AGRN: variants seen among roughly 807,000 people sequenced by gnomAD.
AGRN encodes the protein agrin proteoglycan.
In AGRN, 106 loss-of-function variants were observed where a neutral mutation model predicts 211.0. The observed-to-expected ratio is 0.50, with a 90% CI of 0.43 to 0.59. The LOEUF is 0.59. AGRN is among the 20% of genes least tolerant of loss of function. The probability of loss-of-function intolerance (pLI) is 0.00; values close to 1 mark genes in which losing one functional copy is unlikely to be tolerated. For synonymous variants in AGRN, 1,525 were observed against 1,332.5 expected, an observed-to-expected ratio of 1.14 and a Z score of -3.15; for missense variants, 3,040 against 2,982.6, an observed-to-expected ratio of 1.02 and a Z score of -0.45.
At chr1:1,027,633 C>T (rs9442389) in intron 2 of AGRN, among the ~76,000 whole-genome samples, 62,161 of 152,074 alleles carry the variant, frequency 0.41, 14,244 homozygotes, top group East Asian at 0.79. Flanking sequence ...ATGCTGGGTC[C>T]CTTGGGGCGG....
intron 1 of AGRN, 58 bp from the exon 2 acceptor site, chr1:1,022,143 C>A: frequency 6.2e-7 from 1 of 1,607,632 alleles, no homozygotes. Flanking sequence ...CTAAAGCCCC[C>A]AGTCTAGCCC....
At chr1:1,047,197 T>A (rs1349425999) in intron 19 of AGRN, 130 bp from the exon 20 acceptor site, 1 of 1,457,588 alleles carries the variant, frequency 6.9e-7, no homozygotes, top group African/African-American at 1.4e-5. Context: ...GGGTCCCCAC[T>A]AACCTCATGA....
chr1:1,033,473 T>TC (rs1203299961), intron 2 of AGRN, among the ~76,000 whole-genome samples: 1 of 146,056 alleles, frequency 6.8e-6, no homozygotes, highest in Non-Finnish European at 1.5e-5. Context: ...CAGCTCCTGC[T>TC]CCCCAGGCGC....
intron 3 of AGRN, 131 bp from the exon 4 acceptor site, chr1:1,040,534 C>T: frequency 1.8e-6 from 2 of 1,100,160 alleles, no homozygotes; most frequent in Non-Finnish European, 2.6e-6. Flanking sequence ...GTGTCCGTGT[C>T]CGTGGTGGAC....
At chr1:1,042,304 G>T in intron 7 of AGRN, 142 bp downstream of exon 7, 1 of 1,121,388 alleles carries the variant, frequency 8.9e-7, no homozygotes, top group South Asian at 1.6e-5. Context: ...GCTCTGGGGA[G>T]GGTGGAGCCT....
rs560842858 is a variant in AGRN, at chr1:1,045,266, C to G, written c.2360C>G (p.Ala787Gly). ...NITAARGVGL[A>G]GCPSACQCNP... Reference sequence around the variant, plus strand: ...ACCGCAGCCCGGGGCGTGGGCCTGGCTGGCTGCCCCAGTGAGTACCTGAGC... The same window carrying G: ...ACCGCAGCCCGGGGCGTGGGCCTGGGTGGCTGCCCCAGTGAGTACCTGAGC... The change falls in exon 13 of 36, where the codon GCT becomes GGT. Residue 787 changes from alanine to glycine, a missense_variant. This residue lies in a region of AGRN where 1,498 missense variants were observed against 1,457.8 expected (regional missense o/e 1.03). Coordinates refer to ENST00000379370, the MANE Select transcript of AGRN (RefSeq NM_198576.4). 4.3e-6 allele frequency: 7 copies of G among 1,611,546 alleles called. No homozygotes were observed. The African/African-American group carries it at 9.3e-5, about 21-fold the overall frequency.
At position 1,047,877 on chromosome 1, in the gene AGRN, G is replaced by A. The variant is rs752746538; in HGVS notation, c.3733G>A (p.Val1245Met). 1.2e-5 allele frequency: 20 copies of A among 1,605,586 alleles called. No homozygotes were observed. Among genetic ancestry groups the A allele is most frequent in the Admixed American group, 6.8e-5 (4 of 59,080 alleles). Residue 1245 changes from valine to methionine, a missense_variant, in exon 22 of 36, where the codon GTG becomes ATG. Coordinates refer to ENST00000379370, the MANE Select transcript of AGRN (RefSeq NM_198576.4). ...GGTGAGGCGGCCGCTGCAGGAGCAC[G>A]TGCGATTTATGGACTTTGGTGAGCG... Reference protein sequence around the residue: ...LGVRRPLQEHVRFMDFDWFPA... With the variant: ...LGVRRPLQEHMRFMDFDWFPA...
chr1:1,047,990 T>C (rs779625603), intron 22 of AGRN, 22 bp from the exon 23 acceptor site: 2 of 1,571,108 alleles, frequency 1.3e-6, no homozygotes, highest in Non-Finnish European at 1.7e-6. Flanking sequence ...CAGGAAACCC[T>C]AACAGCTCCC....
chr1:1,046,128 C>T (rs2100657385), intron 16 of AGRN, 32 bp from the exon 17 acceptor site: 2 of 1,613,948 alleles, frequency 1.2e-6, no homozygotes, highest in Non-Finnish European at 1.7e-6. Context: ...GGGAGGAGGC[C>T]TCGCCTTGAA....
Position 1,055,172 on chromosome 1 carries a change from C to A in AGRN, c.*191C>A. 2.2e-6 allele frequency: 2 copies of A among 912,794 alleles called. No individual in the cohort carries two copies. Among genetic ancestry groups the A allele is most frequent in the Non-Finnish European group, 3.3e-6 (2 of 599,890 alleles). The allele number at this position is 912,794 out of a possible 1,614,324, so 56.5% of individuals were successfully genotyped here. Reference sequence around the variant, plus strand: ...ACAGGCGAGGTGGCAGCGTGGAGGGCTCGGCGTGGATGGCAGCCTCAGGAC... The same window carrying A: ...ACAGGCGAGGTGGCAGCGTGGAGGGATCGGCGTGGATGGCAGCCTCAGGAC... On this transcript the variant is annotated 3_prime_UTR_variant, in exon 36 of 36. Transcript: ENST00000379370.
chr1:1,047,059 T>C (rs1645118338), intron 19 of AGRN, 102 bp downstream of exon 19: 10 of 1,521,212 alleles, frequency 6.6e-6, no homozygotes, highest in Non-Finnish European at 8.0e-6. Flanking sequence ...GGTTATGGTC[T>C]TGGGACTCGG....
At chr1:1,034,185 C>G in intron 2 of AGRN, 1 of 985,410 alleles carries the variant, frequency 1.0e-6, no homozygotes, top group Non-Finnish European at 1.2e-6. Flanking sequence ...GCGCACCTGC[C>G]GCGCGCACCG....
rs1407513698 is a variant in AGRN, at chr1:1,045,859, C to A, written c.2663C>A (p.Pro888His). The change falls in exon 15 of 36, where the codon CCC becomes CAC. Residue 888 changes from proline to histidine, a missense_variant. Pro to His is a moderately conservative substitution (Grantham distance 77). Coordinates refer to ENST00000379370, the MANE Select transcript of AGRN (RefSeq NM_198576.4). ...TGTCCAGACGGCCGTGCCCTGGGCC[C>A]CGCGGGCTGTGAAGCTGGTGAGTGA... is the stretch of plus-strand genomic sequence containing the variant. ...GQCPDGRALG[P>H]AGCEADASAP... 4.3e-6 allele frequency: 7 copies of A among 1,610,988 alleles called. No individual in the cohort carries two copies. In the East Asian group the frequency reaches 1.6e-4, roughly 36 times the overall value.
Position 1,049,303 on chromosome 1 carries a change from C to A in AGRN, c.4366C>A (p.Arg1456Ser). The change falls in exon 25 of 36, where the codon CGC becomes AGC. Residue 1456 changes from arginine to serine, a missense_variant. Around this residue, in one of 3 missense-constraint regions of AGRN, gnomAD observed 1,537 missense variants for 1,505.0 expected, o/e 1.02. Transcript: ENST00000379370. ...AVPVEPGQWH[R>S]LELSRHWRRG... Reference sequence around the variant, plus strand: ...GCCGGTAGAGCCGGGCCAGTGGCACCGCCTGGAGCTGTCCCGGCACTGGCG... The same window carrying A: ...GCCGGTAGAGCCGGGCCAGTGGCACAGCCTGGAGCTGTCCCGGCACTGGCG... The A allele has an allele frequency of 6.3e-7, 1 of 1,597,138 alleles. No homozygotes were observed. Among genetic ancestry groups the A allele is most frequent in the East Asian group, 2.2e-5 (1 of 44,720 alleles).
At position 1,043,439 on chromosome 1, in the gene AGRN, G is replaced by T; in HGVS notation, c.1585G>T (p.Ala529Ser). Reference sequence around the variant, plus strand: ...TACCCTCGGGCGGGAGATCCAGGTGGCGCGCAAAGGACCCTGTGGTCAGTG... The same window carrying T: ...TACCCTCGGGCGGGAGATCCAGGTGTCGCGCAAAGGACCCTGTGGTCAGTG... ...ACTLGREIQV[A>S]RKGPCDRCGQ... The change falls in exon 8 of 36, where the codon GCG (alanine) becomes TCG (serine). Residue 529 changes from alanine to serine, a missense_variant. By Grantham distance (99) the Ala-to-Ser change is moderately conservative (BLOSUM62 1). This residue lies in a region of AGRN where 1,498 missense variants were observed against 1,457.8 expected (regional missense o/e 1.03). Transcript: ENST00000379370. 1 of 1,606,532 alleles carries T rather than the reference G, an allele frequency of 6.2e-7. No individual in the cohort carries two copies. The highest frequency in any genetic ancestry group is 8.5e-7 in the Non-Finnish European group (1 of 1,178,712).
At chr1:1,026,296 C>T (rs1644520123) in intron 2 of AGRN, among the ~76,000 whole-genome samples, 1 of 152,136 alleles carries the variant, frequency 6.6e-6, no homozygotes, top group South Asian at 2.1e-4. Context: ...CTGCAGCCTC[C>T]AGGCCAAGGT....
chr1:1,025,250 C>T (rs905922146), intron 2 of AGRN, among the ~76,000 whole-genome samples: 5 of 152,180 alleles, frequency 3.3e-5, no homozygotes, highest in African/African-American at 1.2e-4. Context: ...CTGCCCAGCT[C>T]TGAAGCCCGG....
rs1384907825 is a variant in AGRN at position 1,029,900 on chromosome 1, T to C, written c.464-5377T>C. ...AGTGCATGGTGCTGTGAGATCAGTG[T>C]GTGTGTGTGTGCAGTGCATGGTGCT... On this transcript the variant is annotated intron_variant, in intron 2 of 35. Transcript: ENST00000379370. 5.3e-4 allele frequency among the ~76,000 whole-genome samples: 36 copies of C among 67,792 alleles called. 6 individuals carry two copies. Among genetic ancestry groups the C allele is most frequent in the African/African-American group, 1.7e-3 (34 of 20,292 alleles). 44.5% of individuals were successfully genotyped at this position (67,792 alleles called of 152,430 possible).
At chr1:1,050,203 G>C in intron 27 of AGRN, 30 bp from the exon 28 acceptor site, 1 of 1,612,086 alleles carries the variant, frequency 6.2e-7, no homozygotes, top group Middle Eastern at 1.7e-4. Flanking sequence ...CCGGGGGTCA[G>C]GACTGAGGCC....
Sources: allele counts gnomAD v4.1 joint callset (sites outside exome capture counted in the v4.1 genomes callset), GRCh38; gene constraint gnomAD v4.1.1; regional missense constraint gnomAD v4.1.1; transcripts MANE v1.5; gene names NCBI Gene and HGNC (gene_info 2026-07-23, HGNC 2026-07-21).